TSHZ2: variants seen among roughly 807,000 people sequenced by gnomAD.
TSHZ2 encodes teashirt zinc finger homeobox 2.
A neutral mutation model predicts 74.4 loss-of-function variants in TSHZ2; 21 were observed. That is an observed-to-expected ratio of 0.28 (90% CI 0.20 to 0.41). TSHZ2 has a LOEUF of 0.41. Ranked by LOEUF, TSHZ2 falls within the 10% of genes least tolerant of loss-of-function variation. The pLI is 1.00. For missense variants in TSHZ2, 1,244 were observed against 1,293.5 expected (o/e 0.96, Z 0.59); for synonymous variants, 540 against 515.3 (o/e 1.05, Z -0.65).
chr20:53,134,014 T>G (rs1987179368), intron 1 of TSHZ2, among the ~76,000 whole-genome samples: 1 of 147,660 alleles, frequency 6.8e-6, no homozygotes, highest in Non-Finnish European at 1.5e-5. Flanking sequence ...AAGACCTTGA[T>G]ACTATCTGGA....
chr20:53,410,187 C>T (rs1260928088), intron 2 of TSHZ2, among the ~76,000 whole-genome samples: 5 of 152,076 alleles, frequency 3.3e-5, no homozygotes, highest in East Asian at 1.9e-4. Context: ...AATCAGAGGG[C>T]GCATCCCAGG....
intron 2 of TSHZ2, among the ~76,000 whole-genome samples, chr20:53,300,419 G>T (rs1991458129): frequency 6.6e-6 from 1 of 152,122 alleles, no homozygotes; most frequent in South Asian, 2.1e-4. Flanking sequence ...CCGCCCTAAT[G>T]GTAGTTGCTC....
rs1469304058 is a variant in TSHZ2 at position 53,457,338 on chromosome 20, C to T, written c.*9-29806C>T. Among the ~76,000 whole-genome samples the T allele has an allele frequency of 1.6e-3, 194 of 121,634 alleles. 3 individuals are homozygous for T. The highest frequency in any genetic ancestry group is 2.5e-3 in the Non-Finnish European group (153 of 60,742). The allele number at this position is 121,634 out of a possible 152,430, so 79.8% of individuals were successfully genotyped here. A position where few individuals can be genotyped will look rare whatever the true frequency, so the allele number is the denominator to read the frequency against. ...TGAAGCAATTGTGAATGGGAGTTCA[C>T]TCATGATTTGGCTCTCTGTTTGTCT... On this transcript the variant is annotated intron_variant, in intron 2 of 2. Transcript: ENST00000371497.
chr20:53,171,927 A>G (rs780020381), intron 1 of TSHZ2, among the ~76,000 whole-genome samples: 4 of 152,206 alleles, frequency 2.6e-5, no homozygotes, highest in East Asian at 1.9e-4. Flanking sequence ...GAAGAAATTT[A>G]TAGGTAGAGT....
At chr20:52,999,444 C>T (rs1405221888) in intron 1 of TSHZ2, among the ~76,000 whole-genome samples, 2 of 152,210 alleles carry the variant, frequency 1.3e-5, no homozygotes, top group African/African-American at 4.8e-5. Context: ...TTGCCTCCTT[C>T]ATTTTTGTAT....
chr20:53,463,437 G>GGAAGGAA (rs1568929615), intron 2 of TSHZ2, among the ~76,000 whole-genome samples: 7 of 77,094 alleles, frequency 9.1e-5, no homozygotes, highest in South Asian at 9.3e-4. Context: ...GAAGGAAGGA[G>GGAAGGAA]GGAGGGAGGG....
intron 1 of TSHZ2, among the ~76,000 whole-genome samples, chr20:53,217,840 G>T (rs1023989203): frequency 6.6e-6 from 1 of 152,122 alleles, no homozygotes; most frequent in South Asian, 2.1e-4. Context: ...ACATAATCCT[G>T]TGATATCATT....
chr20:53,459,194 G>T (rs1985246473), intron 2 of TSHZ2, among the ~76,000 whole-genome samples: 1 of 152,266 alleles, frequency 6.6e-6, no homozygotes, highest in Non-Finnish European at 1.5e-5. Flanking sequence ...GGGAGTCTAA[G>T]TCTCTTTGTA....
chr20:53,149,000 A>G (rs951441800), intron 1 of TSHZ2, among the ~76,000 whole-genome samples: 2 of 152,208 alleles, frequency 1.3e-5, no homozygotes, highest in African/African-American at 4.8e-5. Flanking sequence ...GAAATAAACA[A>G]TGCAAAGCAA....
rs552618218 is a variant in TSHZ2 at position 53,081,479 on chromosome 20, A to G, written c.40+108146A>G. Among the ~76,000 whole-genome samples the G allele has an allele frequency of 5.9e-5, 9 of 152,312 alleles. No homozygotes were observed. The South Asian group carries it at 1.7e-3, about 28-fold the overall frequency. ...GCTGAACCAGGCCATGTAGAAATAC[A>G]CAAAAGCAAACACACACATACCTCA... On this transcript the variant is annotated intron_variant, in intron 1 of 2. Transcript: ENST00000371497.
intron 2 of TSHZ2, chr20:53,453,018 A>G (rs1984867807): frequency 6.6e-6 from 1 of 152,182 alleles, no homozygotes; most frequent in South Asian, 2.1e-4. Flanking sequence ...TGATGTATGA[A>G]TGAGGACCAT....
Position 53,475,693 on chromosome 20 carries a change from C to A in TSHZ2, c.*9-11451C>A, listed in dbSNP as rs1359678784. Among the ~76,000 whole-genome samples, 1,197 of 135,854 alleles carry A rather than the reference C, an allele frequency of 8.8e-3. 195 individuals carry two copies. Among genetic ancestry groups the A allele is most frequent in the African/African-American group, 0.033 (1,136 of 34,420 alleles). The allele number at this position is 135,854 out of a possible 152,430, so 89.1% of individuals were successfully genotyped here. A position where few individuals can be genotyped will look rare whatever the true frequency, so the allele number is the denominator to read the frequency against. ...CTGAAGGAAATAGAGACACAAAAAA[C>A]CCTTCAAAAAATTAATGAATCCAGG... is the stretch of plus-strand genomic sequence containing the variant. On this transcript the variant is annotated intron_variant, in intron 2 of 2. Coordinates refer to ENST00000371497, the MANE Select transcript of TSHZ2 (RefSeq NM_173485.6).
intron 1 of TSHZ2, among the ~76,000 whole-genome samples, chr20:52,979,484 G>C (rs540422738): frequency 6.6e-6 from 1 of 152,070 alleles, no homozygotes; most frequent in Admixed American, 6.5e-5. Flanking sequence ...TTTGTCCAAG[G>C]GTATCAGACT....
chr20:53,359,012 C>A (rs1980955030), intron 2 of TSHZ2, among the ~76,000 whole-genome samples: 1 of 152,152 alleles, frequency 6.6e-6, no homozygotes, highest in Non-Finnish European at 1.5e-5. Context: ...CAGTCTTTTT[C>A]AAGATGGCCT....
At chr20:53,357,173 A>T (rs1463528965) in intron 2 of TSHZ2, among the ~76,000 whole-genome samples, 1 of 152,214 alleles carries the variant, frequency 6.6e-6, no homozygotes, top group Non-Finnish European at 1.5e-5. Context: ...GACTTGGGTT[A>T]TAGGAGAACT....
At chr20:53,262,553 G>A (rs1600775547) in intron 2 of TSHZ2, among the ~76,000 whole-genome samples, 1 of 152,202 alleles carries the variant, frequency 6.6e-6, no homozygotes, top group East Asian at 1.9e-4. Flanking sequence ...TCTGGCAGGA[G>A]TTATTTGTTA....
chr20:53,243,699 G>C (rs1316007467), intron 1 of TSHZ2, among the ~76,000 whole-genome samples: 2 of 152,130 alleles, frequency 1.3e-5, no homozygotes, highest in Non-Finnish European at 2.9e-5. Context: ...TCCACTTCGG[G>C]CTTCTGTGAT....
chr20:53,223,220 A>G (rs1989604947), intron 1 of TSHZ2, among the ~76,000 whole-genome samples: 1 of 152,128 alleles, frequency 6.6e-6, no homozygotes, highest in African/African-American at 2.4e-5. Context: ...CTATGGCAGG[A>G]TTTCCCAAGT....
intron 1 of TSHZ2, among the ~76,000 whole-genome samples, chr20:53,098,501 C>T (rs991357688): frequency 6.6e-6 from 1 of 152,146 alleles, no homozygotes. Flanking sequence ...AAGTCAACAA[C>T]TAAAGAGACC....
Sources: gnomAD v4.1 joint callset for allele counts (sites outside exome capture counted in the v4.1 genomes callset) on GRCh38, gnomAD v4.1.1 for gene constraint, MANE v1.5 for transcripts, NCBI Gene and HGNC (gene_info 2026-07-23, HGNC 2026-07-21) for gene names.